The following NUP210 variants were observed in gnomAD, a reference collection of about 807,000 sequenced individuals.
The protein encoded by NUP210 is nucleoporin 210.
In NUP210, 151 loss-of-function variants were observed where a neutral mutation model predicts 196.0. The ratio of observed to expected loss-of-function variants is 0.77; its 90% CI spans 0.67 to 0.88. The LOEUF is 0.88. Ranked by LOEUF, NUP210 falls within the 40% of genes least tolerant of loss-of-function variation. NUP210 has a pLI of 0.00. For missense variants in NUP210, 2,314 were observed against 2,493.7 expected, an observed-to-expected ratio of 0.93 and a Z score of 1.53; for synonymous variants, 1,070 against 1,052.7, an observed-to-expected ratio of 1.02 and a Z score of -0.32.
At chr3:13,370,361 A>G (rs1455203584) in intron 13 of NUP210, among the ~76,000 whole-genome samples, 3 of 152,206 alleles carry the variant, frequency 2.0e-5, no homozygotes, top group Non-Finnish European at 4.4e-5. Flanking sequence ...AACCATCACA[A>G]TAAGCAAGAG....
At chr3:13,387,602 G>T (rs555942961) in intron 5 of NUP210, among the ~76,000 whole-genome samples, 1 of 152,340 alleles carries the variant, frequency 6.6e-6, no homozygotes, top group South Asian at 2.1e-4. Context: ...AAAATTAAAT[G>T]GCAGGCCAAG....
At chr3:13,343,342 G>GGGGGC in intron 20 of NUP210, 39 bp from the exon 21 acceptor site, 16 of 655,974 alleles carry the variant, frequency 2.4e-5, no homozygotes, top group Non-Finnish European at 3.0e-5. Flanking sequence ...TGGGTGGTGG[G>GGGGGC]TTACGCAGCT....
At chr3:13,338,001 G>A in intron 25 of NUP210, 84 bp from the exon 26 acceptor site, 1 of 1,309,392 alleles carries the variant, frequency 7.6e-7, no homozygotes, top group South Asian at 1.3e-5. Context: ...AGGGAAGCAG[G>A]CTGCGGCTCA....
At chr3:13,401,541 C>T (rs537400133) in intron 1 of NUP210, among the ~76,000 whole-genome samples, 179 of 152,290 alleles carry the variant, frequency 1.2e-3, no homozygotes, top group Middle Eastern at 0.01. Flanking sequence ...TTGTGGATTT[C>T]TTCCAGGAAA....
chr3:13,403,937 G>A (rs952535142), intron 1 of NUP210, among the ~76,000 whole-genome samples: 3 of 152,248 alleles, frequency 2.0e-5, no homozygotes, highest in Non-Finnish European at 2.9e-5. Context: ...CAAGCAGACC[G>A]GGCCACGTCT....
chr3:13,318,941 TG>T, intron 39 of NUP210, 130 bp downstream of exon 39: 1 of 840,828 alleles, frequency 1.2e-6, no homozygotes, highest in Non-Finnish European at 1.8e-6. Flanking sequence ...ATCTGTCCTC[TG>T]GGCCTCAGGC....
At chr3:13,360,747 C>T (rs1171562710) in intron 14 of NUP210, among the ~76,000 whole-genome samples, 1 of 152,172 alleles carries the variant, frequency 6.6e-6, no homozygotes, top group Admixed American at 6.5e-5. Context: ...TTGCCTCTTT[C>T]GTCAAACAAT....
At chr3:13,399,122 C>A (rs143201334) in intron 2 of NUP210, among the ~76,000 whole-genome samples, 1,967 of 151,792 alleles carry the variant, frequency 0.013, 49 homozygotes, top group African/African-American at 0.045. Context: ...AAAAATTAGC[C>A]GGGTGTGGTG....
intron 17 of NUP210, 50 bp downstream of exon 17, chr3:13,353,865 G>T: frequency 6.5e-7 from 1 of 1,547,896 alleles, no homozygotes; most frequent in Non-Finnish European, 8.8e-7. Flanking sequence ...CAGGCTTCCT[G>T]TCTGGTCTCT....
chr3:13,336,665 C>A, intron 27 of NUP210, 122 bp downstream of exon 27: 2 of 1,079,996 alleles, frequency 1.9e-6, no homozygotes, highest in South Asian at 3.1e-5. Context: ...AGTGGGCGGG[C>A]CTCTCTAGGT....
chr3:13,350,482 A>AAAAC lies in NUP210; in HGVS notation c.2835+1396_2835+1397insGTTT, dbSNP rs1399366254. On this transcript the variant is annotated intron_variant, in intron 20 of 39. Transcript: ENST00000254508. The surrounding 1 kb of genome is among the most constrained non-coding windows in gnomAD (Gnocchi z 4.1). Reference sequence around the variant, plus strand: ...CAAAACAAAACAAAACAAAACAAAAAACAAAACAAAACAGGAAAACATGAC... The same window carrying AAAAC: ...CAAAACAAAACAAAACAAAACAAAAAAAACACAAAACAAAACAGGAAAACATGAC... Among the ~76,000 whole-genome samples the AAAAC allele has an allele frequency of 9.4e-4, 91 of 96,864 alleles. No homozygotes were observed. The highest frequency in any genetic ancestry group is 2.4e-3 in the Admixed American group (23 of 9,566). 63.5% of individuals were successfully genotyped at this position (96,864 alleles called of 152,430 possible).
In NUP210 at chr3:13,360,282, G is replaced by T. The variant is rs1698325929; in HGVS notation, c.2142C>A (p.Ala714=). ...GCTGCCCACTCACCTGCTCACCCAA[G>T]GCCTGACAGGTCACAAGGATCCAGT... ...QQHWILVTCQ[A]LGEQVIALSV... The change falls in exon 15 of 40, where the codon GCC becomes GCA. Residue 714 remains alanine (A), a synonymous_variant. Transcript: ENST00000254508. The T allele has an allele frequency of 1.2e-6, 2 of 1,614,056 alleles. No homozygotes were observed. The highest frequency in any genetic ancestry group is 1.3e-5 in the African/African-American group (1 of 74,942).
intron 17 of NUP210, 108 bp from the exon 18 acceptor site, chr3:13,353,768 T>G (rs1406782470): frequency 1.6e-6 from 2 of 1,243,584 alleles, no homozygotes; most frequent in Admixed American, 3.8e-5. Flanking sequence ...AACAGACAAC[T>G]GTGTGTGTTG....
At position 13,377,498 on chromosome 3, in the gene NUP210, G is replaced by A. The variant is rs61756077; in HGVS notation, c.1110C>T (p.Ile370=). 6.3e-4 allele frequency: 1,019 copies of A among 1,613,782 alleles called. 8 individuals are homozygous for A. In the African/African-American group the frequency reaches 0.013, roughly 20 times the overall value. ...TGTTGCTGAACTTGTCAAAAACTTC[G>A]ATGGTGATTTCATACAGGCGGCCGG... ...LETGRLYEIT[I]EVFDKFSNKV... is the part of the protein sequence containing the mutation. The change falls in exon 9 of 40, where the codon ATC becomes ATT. Residue 370 remains isoleucine, a synonymous_variant. Coordinates refer to ENST00000254508, the MANE Select transcript of NUP210 (RefSeq NM_024923.4).
At chr3:13,382,143 C>A (rs1186262009) in intron 6 of NUP210, among the ~76,000 whole-genome samples, 1 of 152,192 alleles carries the variant, frequency 6.6e-6, no homozygotes, top group Non-Finnish European at 1.5e-5. Flanking sequence ...GCATTCTATC[C>A]ACTCAAGTTC....
rs1161025141 is a variant in NUP210 at position 13,337,891 on chromosome 3, C to T, written c.3498G>A (p.Leu1166=). 4 of 1,613,074 alleles carry T rather than the reference C, an allele frequency of 2.5e-6. No individual in the cohort carries two copies. The highest frequency in any genetic ancestry group is 3.4e-6 in the Non-Finnish European group (4 of 1,179,890). ...GGGCGCGGATCCTCACGGCCCTTAG[C>T]AGCAGCACCTCCACCTGCACGAGGT... ...SQDLVQVEVL[L]LRAVRIRAPI... is the part of the protein sequence containing the mutation. Residue 1166 remains leucine (L), a synonymous_variant, in exon 26 of 40, where the codon CTG becomes CTA. Coordinates refer to ENST00000254508, the MANE Select transcript of NUP210 (RefSeq NM_024923.4).
rs2124843053 is a variant in NUP210 at position 13,330,628 on chromosome 3, A to G, written c.3942T>C (p.Gly1314=). The G allele has an allele frequency of 6.2e-7, 1 of 1,613,736 alleles. No individual in the cohort carries two copies. The highest frequency in any genetic ancestry group is 2.2e-5 in the East Asian group (1 of 44,872). The change falls in exon 30 of 40, where the codon GGT becomes GGC. Residue 1314 remains glycine, a synonymous_variant. Coordinates refer to ENST00000254508, the MANE Select transcript of NUP210 (RefSeq NM_024923.4). The part of the protein sequence containing the change: ...SYIKLQTNRD[G]AASLSYRVLD... ...GGACGCGGTAGCTCAGAGAGGCTGC[A>G]CCATCCCTTTGGAAAACAAAACAGA...
At position 13,376,328 on chromosome 3, in the gene NUP210, G is replaced by A. The variant is rs149159627; in HGVS notation, c.1256C>T (p.Thr419Met). Residue 419 changes from threonine (T) to methionine (M), a missense_variant, in exon 10 of 40, where the codon ACG becomes ATG. Coordinates refer to ENST00000254508, the MANE Select transcript of NUP210 (RefSeq NM_024923.4). ...AGAGGTGAGGGCCGCGTCAATGGCC[G>A]TCTGTCCCCTCTTTAGTGCCCTGAT... ...HRIRALKRGQ[T>M]AIDAALTSVV... 1.0e-3 allele frequency: 1,663 copies of A among 1,614,158 alleles called. 1 individual carries two copies. Among genetic ancestry groups the A allele is most frequent in the Non-Finnish European group, 1.3e-3 (1,492 of 1,180,020 alleles).
At chr3:13,387,225 C>T (rs1300889810) in intron 5 of NUP210, among the ~76,000 whole-genome samples, 1 of 152,260 alleles carries the variant, frequency 6.6e-6, no homozygotes, top group Non-Finnish European at 1.5e-5. Context: ...TCACAACTGA[C>T]AGCTTTCCTC....
Sources: gnomAD v4.1 joint callset for allele counts (sites outside exome capture counted in the v4.1 genomes callset) on GRCh38, gnomAD v4.1.1 for gene constraint, Gnocchi (gnomAD v3.1) non-coding constraint, MANE v1.5 for transcripts, NCBI Gene and HGNC (gene_info 2026-07-23, HGNC 2026-07-21) for gene names.